The following ARB2A variants were observed in gnomAD, a reference collection of about 807,000 sequenced individuals.
ARB2A encodes the protein ARB2 cotranscriptional regulator A, also known as cotranscriptional regulator ARB2A.
the ARB2A span, among the ~76,000 whole-genome samples, chr5:93,999,892 T>A: frequency 6.6e-6 from 1 of 152,088 alleles, no homozygotes. Flanking sequence ...CAAAATACCA[T>A]ATATTTGGAA....
chr5:93,885,008 A>G, the ARB2A span, among the ~76,000 whole-genome samples: 1 of 151,626 alleles, frequency 6.6e-6, no homozygotes, highest in Non-Finnish European at 1.5e-5. Flanking sequence ...CAACATCAAT[A>G]TATGGAAACT....
the ARB2A span, among the ~76,000 whole-genome samples, chr5:94,081,293 A>T: frequency 6.6e-6 from 1 of 152,196 alleles, no homozygotes; most frequent in Admixed American, 6.5e-5. Flanking sequence ...GTTCCTCAAA[A>T]TATTACACAC....
chr5:93,690,565 T>C, the ARB2A span, among the ~76,000 whole-genome samples: 1 of 152,138 alleles, frequency 6.6e-6, no homozygotes, highest in African/African-American at 2.4e-5. Context: ...CAGGGGCTTA[T>C]AGATCAAACT....
chr5:93,741,165 C>T, the ARB2A span: 1 of 1,613,794 alleles, frequency 6.2e-7, no homozygotes, highest in African/African-American at 1.3e-5. Context: ...TCTTCTGCCT[C>T]AACTCCTTGG....
the ARB2A span, among the ~76,000 whole-genome samples, chr5:94,013,238 G>A: frequency 3.3e-5 from 5 of 149,510 alleles, no homozygotes; most frequent in East Asian, 3.9e-4. Flanking sequence ...GAATGCAGTG[G>A]CGCAATCTCA....
chr5:93,974,701 T>C, the ARB2A span, among the ~76,000 whole-genome samples: 4 of 152,168 alleles, frequency 2.6e-5, no homozygotes, highest in Non-Finnish European at 4.4e-5. Flanking sequence ...TGCTTGGTCA[T>C]AATACAAGTC....
At chr5:93,983,338 C>A in the ARB2A span, among the ~76,000 whole-genome samples, 1 of 151,608 alleles carries the variant, frequency 6.6e-6, no homozygotes, top group Admixed American at 6.6e-5. Context: ...ATTTTTTGTA[C>A]CAAAAATTAA....
the ARB2A span, among the ~76,000 whole-genome samples, chr5:93,781,424 T>C: frequency 2.0e-5 from 3 of 152,230 alleles, no homozygotes; most frequent in South Asian, 4.1e-4. Flanking sequence ...ATTTTCTTTA[T>C]CCAGTCATCC....
chr5:93,862,924 A>T, the ARB2A span: 1 of 152,118 alleles, frequency 6.6e-6, no homozygotes, highest in Non-Finnish European at 1.5e-5. Context: ...TTTCTGTGCT[A>T]ATTTTTAGAA....
chr5:93,914,169 AG>A, the ARB2A span, among the ~76,000 whole-genome samples: 1 of 151,984 alleles, frequency 6.6e-6, no homozygotes, highest in Non-Finnish European at 1.5e-5. Context: ...ATAATGATCA[AG>A]GAGGGTTTGG....
the ARB2A span, among the ~76,000 whole-genome samples, chr5:93,857,584 C>T: frequency 2.6e-5 from 4 of 152,176 alleles, no homozygotes; most frequent in Admixed American, 1.3e-4. Context: ...TAGGACCCTC[C>T]GAGCCATGTG....
the ARB2A span, chr5:93,620,959 G>T: frequency 1.9e-6 from 3 of 1,599,202 alleles, no homozygotes; most frequent in South Asian, 3.3e-5. Context: ...GTGCGCCAGG[G>T]CGGCCTCCCC....
the ARB2A span, among the ~76,000 whole-genome samples, chr5:93,829,930 G>A: frequency 3.9e-5 from 6 of 152,134 alleles, no homozygotes; most frequent in Admixed American, 2.0e-4. Context: ...TGCTTTGATA[G>A]TTACACAAGT....
chr5:93,799,541 A>G, the ARB2A span, among the ~76,000 whole-genome samples: 1 of 152,098 alleles, frequency 6.6e-6, no homozygotes, highest in African/African-American at 2.4e-5. Flanking sequence ...CACCTAGCCA[A>G]TGTTTCAAAA....
chr5:93,789,209 A>C, the ARB2A span, among the ~76,000 whole-genome samples: 1 of 152,242 alleles, frequency 6.6e-6, no homozygotes, highest in Non-Finnish European at 1.5e-5. Context: ...GGGTTACAGC[A>C]TGTGAATTAC....
the ARB2A span, among the ~76,000 whole-genome samples, chr5:93,935,582 A>T: frequency 1.3e-5 from 2 of 152,208 alleles, no homozygotes; most frequent in Non-Finnish European, 2.9e-5. Flanking sequence ...GGCAGGGGCC[A>T]AAATATGAAT....
the ARB2A span, among the ~76,000 whole-genome samples, chr5:93,884,043 T>C: frequency 6.6e-6 from 1 of 151,316 alleles, no homozygotes; most frequent in African/African-American, 2.4e-5. Flanking sequence ...AAAATAGTGA[T>C]ATACTACATT....
chr5:93,824,984 A>T, the ARB2A span, among the ~76,000 whole-genome samples: 1 of 152,210 alleles, frequency 6.6e-6, no homozygotes, highest in Admixed American at 6.5e-5. Flanking sequence ...TTTTGTTTTG[A>T]CTGGACCACT....
At chr5:93,915,612 T>C in the ARB2A span, among the ~76,000 whole-genome samples, 1 of 151,992 alleles carries the variant, frequency 6.6e-6, no homozygotes, top group African/African-American at 2.4e-5. Context: ...AAACTGAAGA[T>C]AATATAATAA....
Sources: allele counts gnomAD v4.1 joint callset (sites outside exome capture counted in the v4.1 genomes callset), GRCh38; gene constraint gnomAD v4.1.1; transcripts MANE v1.5; gene names NCBI Gene and HGNC (gene_info 2026-07-23, HGNC 2026-07-21).